The following HSPA12A variants were observed in gnomAD, a reference collection of about 807,000 sequenced individuals.
The protein encoded by HSPA12A is heat shock protein family A (Hsp70) member 12A, also known as heat shock 70 kDa protein 12A.
HSPA12A carries 28 observed loss-of-function variants against 69.2 expected under a neutral mutation model. The ratio of observed to expected loss-of-function variants is 0.40; its 90% confidence interval spans 0.30 to 0.55. HSPA12A has a LOEUF of 0.55. HSPA12A is among the 20% of genes least tolerant of loss of function. The pLI is 0.38. For synonymous variants in HSPA12A, 345 were observed against 370.5 expected (o/e 0.93, Z 0.79); for missense variants, 686 against 900.7 (o/e 0.76, Z 3.05).
intron 2 of HSPA12A, among the ~76,000 whole-genome samples, chr10:116,794,211 A>G (rs1844766171): frequency 6.6e-6 from 1 of 152,158 alleles, no homozygotes; most frequent in Non-Finnish European, 1.5e-5. Context: ...CTCCGTCTCA[A>G]AAAAATAAAT....
chr10:116,790,738 T>C (rs1446285363), intron 2 of HSPA12A, among the ~76,000 whole-genome samples: 1 of 152,142 alleles, frequency 6.6e-6, no homozygotes, highest in Non-Finnish European at 1.5e-5. Context: ...TCGCCCAGGC[T>C]GGAGTGCAGT....
At chr10:116,681,911 A>G (rs1554878686) in intron 7 of HSPA12A, 34 bp from the exon 8 acceptor site, 2 of 1,593,210 alleles carry the variant, frequency 1.3e-6, no homozygotes, top group African/African-American at 1.3e-5. Flanking sequence ...GATGACGGGT[A>G]AGAAAGCATG....
At chr10:116,692,569 C>G in intron 5 of HSPA12A, 102 bp from the exon 6 acceptor site, 1 of 839,544 alleles carries the variant, frequency 1.2e-6, no homozygotes, top group South Asian at 1.6e-5. Context: ...ATGAGCTCTT[C>G]AGGAGCCAGT....
In HSPA12A at chr10:116,791,119, T is replaced by G. The variant is rs116860817; in HGVS notation, c.91+43816A>C. Among the ~76,000 whole-genome samples the G allele has an allele frequency of 6.0e-3, 921 of 152,344 alleles. 5 individuals carry two copies. Among genetic ancestry groups the G allele is most frequent in the Non-Finnish European group, 9.3e-3 (633 of 68,034 alleles). Reference sequence around the variant, plus strand: ...GCAGGAGACTGTCTGGCTAGTGCTGTGTCCCCAACACCCAGGACAGGCCTG... The same window carrying G: ...GCAGGAGACTGTCTGGCTAGTGCTGGGTCCCCAACACCCAGGACAGGCCTG... On this transcript the variant is annotated intron_variant, in intron 2 of 12. Transcript: ENST00000635765.
chr10:116,837,244 T>C (rs942410310), intron 1 of HSPA12A, among the ~76,000 whole-genome samples: 3 of 152,204 alleles, frequency 2.0e-5, no homozygotes, highest in Admixed American at 2.0e-4. Flanking sequence ...GATGGTTTCA[T>C]TTTCCTCCGA....
At chr10:116,689,495 A>G (rs1849673254) in intron 6 of HSPA12A, among the ~76,000 whole-genome samples, 1 of 152,068 alleles carries the variant, frequency 6.6e-6, no homozygotes, top group South Asian at 2.1e-4. Flanking sequence ...CCTTTCACAT[A>G]CATGGGTGCC....
intron 10 of HSPA12A, among the ~76,000 whole-genome samples, chr10:116,678,638 T>C (rs923301909): frequency 6.6e-6 from 1 of 151,606 alleles, no homozygotes; most frequent in Admixed American, 6.6e-5. Context: ...AATTAGATAC[T>C]TGATAATATT....
At chr10:116,709,905 C>T (rs1850373776) in intron 1 of HSPA12A, among the ~76,000 whole-genome samples, 1 of 152,198 alleles carries the variant, frequency 6.6e-6, no homozygotes, top group Admixed American at 6.5e-5. Flanking sequence ...AATCAACTTG[C>T]TCATCTGGGA....
chr10:116,815,710 G>A (rs1007746554), intron 2 of HSPA12A, among the ~76,000 whole-genome samples: 7 of 152,148 alleles, frequency 4.6e-5, no homozygotes, highest in East Asian at 1.9e-4. Flanking sequence ...ATTTTCCCTC[G>A]GGCCACTCCC....
intron 1 of HSPA12A, among the ~76,000 whole-genome samples, chr10:116,714,094 G>T (rs1850532470): frequency 6.6e-6 from 1 of 151,668 alleles, no homozygotes; most frequent in South Asian, 2.1e-4. Flanking sequence ...TGGATGGATG[G>T]ACGGATGGAT....
Position 116,707,192 on chromosome 10 carries a change from CTT to C in HSPA12A, c.126+6_126+7del. On this transcript the variant is annotated splice_donor_region_variant and intron_variant, in intron 2 of 11. Coordinates refer to ENST00000369209, the MANE Select transcript of HSPA12A (RefSeq NM_025015.3). ...ACACACACACACACACACACACACACTTCTTACCACAATATGGGAGGGGGACA... is the reference window on the plus strand; with the variant it reads ...ACACACACACACACACACACACACACCTTACCACAATATGGGAGGGGGACA... 1.3e-6 allele frequency: 2 copies of C among 1,556,866 alleles called. No homozygotes were observed. The highest frequency in any genetic ancestry group is 1.8e-6 in the Non-Finnish European group (2 of 1,136,212).
intron 1 of HSPA12A, among the ~76,000 whole-genome samples, chr10:116,836,885 G>A (rs139691196): frequency 1.9e-3 from 286 of 152,094 alleles, no homozygotes; most frequent in Middle Eastern, 0.01. Flanking sequence ...TCTTCTCTGA[G>A]AGGCCATGAA....
intron 1 of HSPA12A, among the ~76,000 whole-genome samples, chr10:116,714,727 A>C (rs1554883574): frequency 1.3e-5 from 2 of 151,982 alleles, no homozygotes; most frequent in Non-Finnish European, 2.9e-5. Flanking sequence ...TTCTAAGTCC[A>C]CCCCACCTTC....
At chr10:116,697,571 G>A (rs1336197850) in intron 5 of HSPA12A, among the ~76,000 whole-genome samples, 2 of 152,090 alleles carry the variant, frequency 1.3e-5, no homozygotes, top group African/African-American at 4.8e-5. Context: ...GGCCTATGAG[G>A]TACAGTTACC....
chr10:116,706,222 C>A (rs1450091446), intron 2 of HSPA12A, among the ~76,000 whole-genome samples: 1 of 148,428 alleles, frequency 6.7e-6, no homozygotes, highest in Non-Finnish European at 1.5e-5. Flanking sequence ...GCAGTTTACA[C>A]TTTTTTTTTA....
intron 2 of HSPA12A, among the ~76,000 whole-genome samples, chr10:116,781,827 C>T (rs1165915723): frequency 1.3e-5 from 2 of 152,066 alleles, no homozygotes; most frequent in Admixed American, 6.6e-5. Flanking sequence ...CAATCTGACT[C>T]AACAAACAAA....
chr10:116,723,217 T>A lies in HSPA12A; in HGVS notation c.41-15932A>T, dbSNP rs1393015724. On this transcript the variant is annotated intron_variant, in intron 1 of 11. Transcript: ENST00000369209. This position sits in a 1 kb window ranked among gnomAD's most constrained non-coding sequence, Gnocchi z 4.1. ...TTACCCCCTAACCATTGCCCCCCCA[T>A]CATTCCTGTCCTCATACAACCCCCT... 3.4e-5 allele frequency among the ~76,000 whole-genome samples: 5 copies of A among 148,514 alleles called. No homozygotes were observed. The highest frequency in any genetic ancestry group is 2.0e-4 in the Admixed American group (3 of 14,946).
intron 2 of HSPA12A, among the ~76,000 whole-genome samples, chr10:116,811,316 C>A (rs1178314340): frequency 6.6e-6 from 1 of 152,274 alleles, no homozygotes; most frequent in Admixed American, 6.5e-5. Context: ...TATGCAGAGC[C>A]TCAAGGGCTT....
chr10:116,728,103 T>C (rs1851033562), intron 1 of HSPA12A, among the ~76,000 whole-genome samples: 1 of 150,912 alleles, frequency 6.6e-6, no homozygotes, highest in African/African-American at 2.4e-5. Context: ...CCACCGCGCT[T>C]GGCCAATTTT....
Sources: gnomAD v4.1 joint callset for allele counts (sites outside exome capture counted in the v4.1 genomes callset) on GRCh38, gnomAD v4.1.1 for gene constraint, Gnocchi (gnomAD v3.1) non-coding constraint, MANE v1.5 for transcripts, NCBI Gene and HGNC (gene_info 2026-07-23, HGNC 2026-07-21) for gene names.